Variants in SV2B observed in about 807,000 individuals in gnomAD.
SV2B encodes synaptic vesicle glycoprotein 2B.
Under a neutral mutation model 73.9 loss-of-function variants are expected in SV2B, and 41 were observed. The ratio of observed to expected loss-of-function variants is 0.56; its 90% CI spans 0.43 to 0.72. SV2B has a LOEUF of 0.72. SV2B is among the 30% of genes least tolerant of loss of function. The pLI is 0.00. For missense variants in SV2B, 764 were observed against 857.8 expected (o/e 0.89, Z 1.37); for synonymous variants, 314 against 314.2 (o/e 1.00, Z 0.01).
intron 1 of SV2B, among the ~76,000 whole-genome samples, chr15:91,213,557 G>A (rs2045933565): frequency 1.3e-5 from 2 of 151,956 alleles, no homozygotes; most frequent in Non-Finnish European, 2.9e-5. Context: ...CACCTCGAAG[G>A]CAGCACTTCC....
At chr15:91,262,853 C>A (rs1408920559) in intron 6 of SV2B, among the ~76,000 whole-genome samples, 1 of 152,198 alleles carries the variant, frequency 6.6e-6, no homozygotes, top group Non-Finnish European at 1.5e-5. Context: ...GTGTGGAAGC[C>A]ACACATTGGT....
chr15:91,165,458 T>C, intron 1 of SV2B, among the ~76,000 whole-genome samples: 1 of 152,236 alleles, frequency 6.6e-6, no homozygotes, highest in East Asian at 1.9e-4. Context: ...TTGTATTAGT[T>C]ATTATAAGTA....
chr15:91,126,857 T>C (rs2042498465), intron 1 of SV2B, among the ~76,000 whole-genome samples: 1 of 152,246 alleles, frequency 6.6e-6, no homozygotes, highest in African/African-American at 2.4e-5. Context: ...TTCCTTAACC[T>C]GATAAAGGAC....
At chr15:91,270,767 G>A (rs186035602) in intron 9 of SV2B, among the ~76,000 whole-genome samples, 13 of 151,720 alleles carry the variant, frequency 8.6e-5, no homozygotes, top group Admixed American at 7.9e-4. Flanking sequence ...AGAAAGCAGT[G>A]TTGAATCCTG....
At chr15:91,199,444 C>T (rs1047060486) in intron 1 of SV2B, among the ~76,000 whole-genome samples, 4 of 152,188 alleles carry the variant, frequency 2.6e-5, no homozygotes, top group Non-Finnish European at 5.9e-5. Context: ...GGTCTCCTTT[C>T]TCCCTGAGAG....
At chr15:91,287,509 A>G (rs956112883) in intron 11 of SV2B, among the ~76,000 whole-genome samples, 1 of 152,094 alleles carries the variant, frequency 6.6e-6, no homozygotes, top group Admixed American at 6.6e-5. Flanking sequence ...TGGAGCTTGC[A>G]TCTCAAGGTC....
chr15:91,195,067 T>G (rs2045195739), intron 1 of SV2B, among the ~76,000 whole-genome samples: 1 of 152,150 alleles, frequency 6.6e-6, no homozygotes, highest in South Asian at 2.1e-4. Context: ...TTTAAGTCAC[T>G]GACATAGGGG....
At chr15:91,257,613 T>C (rs1204248106) in intron 4 of SV2B, among the ~76,000 whole-genome samples, 2 of 152,142 alleles carry the variant, frequency 1.3e-5, no homozygotes, top group Admixed American at 1.3e-4. Context: ...GCTTACAGTG[T>C]TTTTCAAAAT....
intron 1 of SV2B, among the ~76,000 whole-genome samples, chr15:91,142,182 C>G (rs886557710): frequency 6.6e-6 from 1 of 152,170 alleles, no homozygotes; most frequent in Non-Finnish European, 1.5e-5. Flanking sequence ...GTTCCTGTTG[C>G]GTGCCCACAG....
intron 1 of SV2B, among the ~76,000 whole-genome samples, chr15:91,204,086 A>G (rs1051755471): frequency 1.3e-5 from 2 of 152,104 alleles, no homozygotes; most frequent in African/African-American, 4.8e-5. Flanking sequence ...ATTTCTTTCA[A>G]ACTGCTAGTG....
chr15:91,259,847 C>T (rs1172208436), intron 5 of SV2B, among the ~76,000 whole-genome samples: 1 of 152,104 alleles, frequency 6.6e-6, no homozygotes, highest in Non-Finnish European at 1.5e-5. Context: ...TCCAGAATGT[C>T]GTAATCTTAA....
At chr15:91,217,380 G>A (rs142230306) in intron 1 of SV2B, among the ~76,000 whole-genome samples, 2 of 152,206 alleles carry the variant, frequency 1.3e-5, no homozygotes, top group East Asian at 3.9e-4. Flanking sequence ...AGAAATATGT[G>A]TGCAATGCTA....
chr15:91,143,328 C>T (rs1211489583), intron 1 of SV2B, among the ~76,000 whole-genome samples: 1 of 152,086 alleles, frequency 6.6e-6, no homozygotes, highest in East Asian at 1.9e-4. Context: ...AAATATGTTC[C>T]CCAGTTGATT....
chr15:91,153,759 C>G (rs940566676), intron 1 of SV2B, among the ~76,000 whole-genome samples: 18 of 136,986 alleles, frequency 1.3e-4, no homozygotes, highest in African/African-American at 4.6e-4. Flanking sequence ...CCTATTGTGT[C>G]AAGTGGTAAA....
chr15:91,104,698 T>C (rs2041830459), intron 1 of SV2B, among the ~76,000 whole-genome samples: 1 of 152,230 alleles, frequency 6.6e-6, no homozygotes, highest in Non-Finnish European at 1.5e-5. Flanking sequence ...AGTGGTGCGA[T>C]CTCAGCTCAC....
At position 91,290,932 on chromosome 15, in the gene SV2B, G is replaced by A. The variant is rs928833991; in HGVS notation, c.1868+1252G>A. On this transcript the variant is annotated intron_variant, in intron 12 of 12. Coordinates refer to ENST00000394232, the MANE Select transcript of SV2B (RefSeq NM_001323032.3). This position sits in a 1 kb window ranked among gnomAD's most constrained non-coding sequence, Gnocchi z 4.7. ...AGGAGGCTGAGGGGGAGAGCTGCGAGAGCCCCGGGGTTTCAGGGTTACAGT... is the reference window on the plus strand; with the variant it reads ...AGGAGGCTGAGGGGGAGAGCTGCGAAAGCCCCGGGGTTTCAGGGTTACAGT... Among the ~76,000 whole-genome samples the A allele has an allele frequency of 6.6e-6, 1 of 151,900 alleles. No individual in the cohort carries two copies. Among genetic ancestry groups the A allele is most frequent in the East Asian group, 1.9e-4 (1 of 5,192 alleles).
At chr15:91,117,627 T>G (rs111349126) in intron 1 of SV2B, among the ~76,000 whole-genome samples, 1 of 152,196 alleles carries the variant, frequency 6.6e-6, no homozygotes, top group Non-Finnish European at 1.5e-5. Flanking sequence ...CAGGAGGACA[T>G]GAGGAATGTT....
intron 1 of SV2B, among the ~76,000 whole-genome samples, chr15:91,162,518 AG>A (rs2043759011): frequency 8.4e-6 from 1 of 119,244 alleles, no homozygotes; most frequent in Admixed American, 8.1e-5. Flanking sequence ...TAGAAACATA[AG>A]ATAACACCTA....
At position 91,110,591 on chromosome 15, in the gene SV2B, C is replaced by T. The variant is rs56339858; in HGVS notation, c.-392+10228C>T. ...TGATCTGGGGTGCAGCAGATGGCGC[C>T]GAGGAATGGAGCCCAGCTGGCACGT... On this transcript the variant is annotated intron_variant, in intron 1 of 12. Transcript: ENST00000394232. This position sits in a 1 kb window ranked among gnomAD's most constrained non-coding sequence, Gnocchi z 5.4. 0.015 allele frequency among the ~76,000 whole-genome samples: 2,314 copies of T among 152,234 alleles called. 32 individuals are homozygous for T. Among genetic ancestry groups the T allele is most frequent in the Non-Finnish European group, 0.025 (1,713 of 68,020 alleles).
Sources: allele counts gnomAD v4.1 joint callset (sites outside exome capture counted in the v4.1 genomes callset), GRCh38; gene constraint gnomAD v4.1.1; non-coding constraint Gnocchi (gnomAD v3.1); transcripts MANE v1.5; gene names NCBI Gene and HGNC (gene_info 2026-07-23, HGNC 2026-07-21).